The following ABCC6 variants were observed in gnomAD, a reference collection of about 807,000 sequenced individuals.
The protein encoded by ABCC6 is ATP binding cassette subfamily C member 6.
A neutral mutation model predicts 169.5 loss-of-function variants in ABCC6; 126 were observed. The observed-to-expected ratio is 0.74, with a 90% CI of 0.64 to 0.86. The LOEUF (loss-of-function observed/expected upper bound fraction) is 0.86. Among genes scored for constraint, ABCC6 ranks in the 40% least tolerant of loss-of-function variants. ABCC6 has a pLI of 0.00. For missense variants in ABCC6, 1,733 were observed against 1,927.2 expected (o/e 0.90, Z 1.89); for synonymous variants, 752 against 814.7 (o/e 0.92, Z 1.31).
intron 22 of ABCC6, among the ~76,000 whole-genome samples, chr16:16,167,004 A>G (rs1314739561): frequency 6.6e-6 from 1 of 152,242 alleles, no homozygotes; most frequent in Non-Finnish European, 1.5e-5. Flanking sequence ...CGACAGAACA[A>G]ATTTCAATTG....
intron 27 of ABCC6, among the ~76,000 whole-genome samples, chr16:16,156,474 C>T (rs1243964371): frequency 6.6e-6 from 1 of 152,214 alleles, no homozygotes; most frequent in Non-Finnish European, 1.5e-5. Flanking sequence ...GAGGCAGCTG[C>T]TCCACAATGT....
At chr16:16,153,380 A>G (rs978286865) in intron 29 of ABCC6, among the ~76,000 whole-genome samples, 1 of 152,202 alleles carries the variant, frequency 6.6e-6, no homozygotes, top group Non-Finnish European at 1.5e-5. Flanking sequence ...AGAATCTGAC[A>G]CATGCTACGA....
chr16:16,166,153 C>T (rs929023628), intron 22 of ABCC6, among the ~76,000 whole-genome samples: 3 of 152,146 alleles, frequency 2.0e-5, no homozygotes, highest in South Asian at 2.1e-4. Flanking sequence ...TGCACTCAAG[C>T]GATCCTCCCG....
At chr16:16,211,094 TCA>T (rs1491444461) in intron 6 of ABCC6, among the ~76,000 whole-genome samples, 10 of 123,614 alleles carry the variant, frequency 8.1e-5, no homozygotes, top group African/African-American at 2.8e-4. Flanking sequence ...AAACTCTGTC[TCA>T]AAAAAAAAAA....
chr16:16,165,397 A>G (rs912522844), intron 23 of ABCC6, among the ~76,000 whole-genome samples: 4 of 152,142 alleles, frequency 2.6e-5, no homozygotes, highest in African/African-American at 9.7e-5. Context: ...TTGGCAGGAG[A>G]GCAAGATTCT....
At chr16:16,202,801 T>A (rs1011638111) in intron 8 of ABCC6, among the ~76,000 whole-genome samples, 3 of 152,218 alleles carry the variant, frequency 2.0e-5, no homozygotes, top group African/African-American at 7.2e-5. Context: ...GATGCTTTGT[T>A]ATGTCAGCTG....
intron 4 of ABCC6, among the ~76,000 whole-genome samples, chr16:16,218,279 G>A (rs200775396): frequency 3.2e-5 from 4 of 124,384 alleles, no homozygotes; most frequent in East Asian, 2.3e-4. Flanking sequence ...GAGCCGAGGA[G>A]TTCAAGATCA....
chr16:16,178,653 A>G (rs2047367553), intron 18 of ABCC6, 145 bp downstream of exon 18: 1 of 941,024 alleles, frequency 1.1e-6, no homozygotes, highest in South Asian at 1.3e-5. Flanking sequence ...GTTACATAGC[A>G]TTGTCACAGC....
intron 29 of ABCC6, among the ~76,000 whole-genome samples, chr16:16,152,240 G>A (rs1418766149): frequency 7.7e-6 from 1 of 129,872 alleles, no homozygotes; most frequent in Non-Finnish European, 1.6e-5. Context: ...CACAGAATAA[G>A]CCCTTGGCAT....
At chr16:16,198,319 C>G in intron 9 of ABCC6, 137 bp from the exon 10 acceptor site, 1 of 889,932 alleles carries the variant, frequency 1.1e-6, no homozygotes, top group Non-Finnish European at 1.7e-6. Flanking sequence ...GCCAACCTCT[C>G]AGGGCTCTTT....
At chr16:16,172,673 T>C (rs184894206) in intron 21 of ABCC6, among the ~76,000 whole-genome samples, 13 of 152,144 alleles carry the variant, frequency 8.5e-5, no homozygotes, top group Non-Finnish European at 1.6e-4. Flanking sequence ...CAGACTCAGA[T>C]TGGCCTAGAT....
intron 20 of ABCC6, 150 bp downstream of exon 20, chr16:16,175,761 C>T: frequency 1.2e-6 from 1 of 853,780 alleles, no homozygotes; most frequent in Non-Finnish European, 1.8e-6. Flanking sequence ...TAAATTATCC[C>T]TCAGCAGGGC....
chr16:16,203,898 A>G (rs575025441), intron 7 of ABCC6, among the ~76,000 whole-genome samples: 1 of 152,178 alleles, frequency 6.6e-6, no homozygotes, highest in Non-Finnish European at 1.5e-5. Context: ...CAGTCATCCT[A>G]AGACCCCCTG....
intron 25 of ABCC6, among the ~76,000 whole-genome samples, chr16:16,160,661 C>G (rs1229106284): frequency 2.4e-5 from 3 of 124,180 alleles, no homozygotes; most frequent in East Asian, 2.3e-4. Flanking sequence ...AAAAAATTAG[C>G]CAGGCATGGT....
chr16:16,157,024 G>C (rs577352813), intron 27 of ABCC6, among the ~76,000 whole-genome samples: 1 of 151,866 alleles, frequency 6.6e-6, no homozygotes, highest in Non-Finnish European at 1.5e-5. Context: ...GGGACAAGGA[G>C]AGGACAGGGA....
At chr16:16,199,482 G>A (rs1487325770) in intron 9 of ABCC6, among the ~76,000 whole-genome samples, 1 of 127,442 alleles carries the variant, frequency 7.8e-6, no homozygotes, top group African/African-American at 2.6e-5. Context: ...CACCAACCTG[G>A]TTCTCTGGCA....
intron 10 of ABCC6, among the ~76,000 whole-genome samples, chr16:16,196,572 C>T (rs2048045498): frequency 6.6e-6 from 1 of 152,204 alleles, no homozygotes; most frequent in East Asian, 1.9e-4. Context: ...AATTATGATC[C>T]TCACGTTGGA....
intron 7 of ABCC6, among the ~76,000 whole-genome samples, chr16:16,208,299 C>A (rs1249518572): frequency 1.3e-5 from 2 of 151,670 alleles, no homozygotes; most frequent in Middle Eastern, 3.2e-3. Context: ...GCAGTGCCGC[C>A]AGAGTAGCGT....
At chr16:16,202,219 A>C (rs2048263459) in intron 8 of ABCC6, 41 bp from the exon 9 acceptor site, 1 of 1,574,468 alleles carries the variant, frequency 6.4e-7, no homozygotes, top group African/African-American at 1.4e-5. Context: ...TGGTGAGAGG[A>C]GGTGCCTAAG....
Sources: allele counts gnomAD v4.1 joint callset (sites outside exome capture counted in the v4.1 genomes callset), GRCh38; gene constraint gnomAD v4.1.1; transcripts MANE v1.5; gene names NCBI Gene and HGNC (gene_info 2026-07-23, HGNC 2026-07-21).